The following GPC5 variants were observed in gnomAD, a reference collection of about 807,000 sequenced individuals.
GPC5 encodes glypican-5.
A neutral mutation model predicts 53.9 loss-of-function variants in GPC5; 47 were observed. That is an observed-to-expected ratio of 0.87 (90% confidence interval 0.69 to 1.11). The LOEUF is 1.11. Among genes scored for constraint, GPC5 ranks in the 50% most tolerant of loss-of-function variants. The probability of loss-of-function intolerance (pLI) is 0.00; values close to 1 mark genes in which losing one functional copy is unlikely to be tolerated. For synonymous variants in GPC5, 286 were observed against 263.3 expected, an observed-to-expected ratio of 1.09 and a Z score of -0.84; for missense variants, 748 against 713.1, an observed-to-expected ratio of 1.05 and a Z score of -0.56.
chr13:92,358,282 G>A (rs889069862), intron 7 of GPC5, among the ~76,000 whole-genome samples: 2 of 151,656 alleles, frequency 1.3e-5, no homozygotes, highest in Non-Finnish European at 1.5e-5. Context: ...TGATACAAGG[G>A]GTGGGCTCCC....
chr13:92,492,390 G>A (rs1013467155), intron 7 of GPC5, among the ~76,000 whole-genome samples: 1 of 151,702 alleles, frequency 6.6e-6, no homozygotes, highest in Non-Finnish European at 1.5e-5. Flanking sequence ...TATACCTAAT[G>A]TAAATGAGGA....
intron 2 of GPC5, among the ~76,000 whole-genome samples, chr13:91,628,474 G>GTATC (rs903623266): frequency 1.5e-5 from 1 of 66,384 alleles, no homozygotes; most frequent in African/African-American, 7.3e-5. Flanking sequence ...CCTATCATTT[G>GTATC]TATCTATCTG....
intron 7 of GPC5, among the ~76,000 whole-genome samples, chr13:92,480,818 C>A (rs1007868879): frequency 6.6e-6 from 1 of 152,092 alleles, no homozygotes; most frequent in African/African-American, 2.4e-5. Context: ...CCTGTCTTAC[C>A]TGGGTGAGTT....
At chr13:91,988,685 A>G (rs1305001235) in intron 6 of GPC5, among the ~76,000 whole-genome samples, 1 of 152,158 alleles carries the variant, frequency 6.6e-6, no homozygotes, top group African/African-American at 2.4e-5. Flanking sequence ...GAAATTTAAG[A>G]TTTGTATTAT....
intron 2 of GPC5, among the ~76,000 whole-genome samples, chr13:91,606,415 T>A (rs1455940303): frequency 1.3e-5 from 2 of 151,334 alleles, no homozygotes; most frequent in Non-Finnish European, 3.0e-5. Context: ...TCTAAAATTC[T>A]CTTTTATTGT....
chr13:91,658,780 C>A (rs1256237520), intron 2 of GPC5, among the ~76,000 whole-genome samples: 1 of 152,068 alleles, frequency 6.6e-6, no homozygotes, highest in South Asian at 2.1e-4. Flanking sequence ...TGTGCCAGAC[C>A]CTGGATTCTC....
chr13:91,882,078 C>CA (rs1197286481), intron 5 of GPC5, among the ~76,000 whole-genome samples: 3 of 152,034 alleles, frequency 2.0e-5, no homozygotes, highest in African/African-American at 7.2e-5. Context: ...GGATTTTATT[C>CA]TTTTAAAAAA....
intron 7 of GPC5, among the ~76,000 whole-genome samples, chr13:92,599,979 A>C (rs1243906024): frequency 6.6e-6 from 1 of 152,190 alleles, no homozygotes; most frequent in African/African-American, 2.4e-5. Flanking sequence ...TATTTAAAAG[A>C]CATTTAACAT....
intron 7 of GPC5, among the ~76,000 whole-genome samples, chr13:92,167,109 A>C (rs563968362): frequency 6.6e-6 from 1 of 152,186 alleles, no homozygotes; most frequent in South Asian, 2.1e-4. Flanking sequence ...ATAGTTAAGT[A>C]TGTGCTTTGT....
chr13:91,663,997 A>G (rs2139633293), intron 2 of GPC5, among the ~76,000 whole-genome samples: 1 of 152,302 alleles, frequency 6.6e-6, no homozygotes, highest in South Asian at 2.1e-4. Context: ...ATCTTTGACC[A>G]TTACTGATTC....
chr13:91,399,261 C>T lies in GPC5; in HGVS notation c.163+52C>T, dbSNP rs528407439. 24 of 1,577,226 alleles carry T rather than the reference C, an allele frequency of 1.5e-5. No homozygotes were observed. The East Asian group carries it at 5.0e-4, about 33-fold the overall frequency. ...ACTGGCGGCGTCCGAGCCCGGCCTT[C>T]GCTCCCCCAGGCTCCCTTGGTGGCA... On this transcript the variant is annotated intron_variant, in intron 1 of 7. Coordinates refer to ENST00000377067, the MANE Select transcript of GPC5 (RefSeq NM_004466.6).
chr13:91,674,009 C>T (rs920564591), intron 2 of GPC5, among the ~76,000 whole-genome samples: 7 of 152,166 alleles, frequency 4.6e-5, no homozygotes, highest in Non-Finnish European at 1.0e-4. Flanking sequence ...TATTTCTTTG[C>T]TTATAGCACA....
At chr13:91,524,481 A>G (rs1197634370) in intron 2 of GPC5, among the ~76,000 whole-genome samples, 2 of 152,172 alleles carry the variant, frequency 1.3e-5, no homozygotes, top group East Asian at 1.9e-4. Flanking sequence ...TCCACTGCCT[A>G]CTACCAGACT....
At chr13:92,753,404 A>ACTC (rs1191727539) in intron 7 of GPC5, among the ~76,000 whole-genome samples, 2 of 152,312 alleles carry the variant, frequency 1.3e-5, no homozygotes, top group East Asian at 3.9e-4. Context: ...AAAACTGGAA[A>ACTC]CTCTAAAGAG....
rs528650434 is a variant in GPC5, at chr13:92,022,125, G to A, written c.1401+114068G>A. Among the ~76,000 whole-genome samples the A allele has an allele frequency of 9.7e-4, 147 of 152,018 alleles. 1 individual carries two copies. The highest frequency in any genetic ancestry group is 3.4e-3 in the African/African-American group (139 of 41,458). ...AGTGATTCTCCAGCCTCAGCCTCCC[G>A]AGTAGCTGGATTTATAGGCACGTGC... is the stretch of plus-strand genomic sequence containing the variant. On this transcript the variant is annotated intron_variant, in intron 6 of 7. Coordinates refer to ENST00000377067, the MANE Select transcript of GPC5 (RefSeq NM_004466.6).
chr13:91,612,239 A>G (rs536980763), intron 2 of GPC5, among the ~76,000 whole-genome samples: 1 of 152,330 alleles, frequency 6.6e-6, no homozygotes, highest in East Asian at 1.9e-4. Context: ...AATATGAAGA[A>G]TAAATTATAC....
At chr13:92,230,896 TA>T (rs1359592283) in intron 7 of GPC5, among the ~76,000 whole-genome samples, 1 of 152,188 alleles carries the variant, frequency 6.6e-6, no homozygotes, top group African/African-American at 2.4e-5. Context: ...AATTACCATA[TA>T]ATTCATTAGG....
intron 2 of GPC5, among the ~76,000 whole-genome samples, chr13:91,489,143 G>T (rs618839): frequency 6.6e-6 from 1 of 151,922 alleles, no homozygotes; most frequent in Non-Finnish European, 1.5e-5. Context: ...ATTTTGCCCC[G>T]GTCCTGTGAT....
chr13:92,479,140 C>T (rs557247151), intron 7 of GPC5, among the ~76,000 whole-genome samples: 1 of 152,122 alleles, frequency 6.6e-6, no homozygotes, highest in South Asian at 2.1e-4. Context: ...AATTGAAAGT[C>T]CTATTTATAG....
Sources: allele counts gnomAD v4.1 joint callset (sites outside exome capture counted in the v4.1 genomes callset), GRCh38; gene constraint gnomAD v4.1.1; transcripts MANE v1.5; gene names NCBI Gene and HGNC (gene_info 2026-07-23, HGNC 2026-07-21).